Variants in GULP1 observed in about 807,000 individuals in gnomAD.
The protein encoded by GULP1 is GULP PTB domain containing engulfment adaptor 1.
GULP1 carries 19 observed loss-of-function variants against 40.9 expected under a neutral mutation model. The ratio of observed to expected loss-of-function variants is 0.46; its 90% CI spans 0.32 to 0.68. GULP1 has a LOEUF of 0.68. Among genes scored for constraint, GULP1 ranks in the 30% least tolerant of loss-of-function variants. The pLI is 0.03. For missense variants in GULP1, 312 were observed against 362.2 expected (o/e 0.86, Z 1.12); for synonymous variants, 119 against 117.6 (o/e 1.01, Z -0.08).
At chr2:188,580,185 G>A (rs1022925301) in intron 9 of GULP1, among the ~76,000 whole-genome samples, 6 of 152,204 alleles carry the variant, frequency 3.9e-5, no homozygotes, top group African/African-American at 1.4e-4. Context: ...TTTACAGTAA[G>A]TTATATCGAA....
At chr2:188,351,137 G>A (rs1181329312) in intron 1 of GULP1, among the ~76,000 whole-genome samples, 1 of 152,036 alleles carries the variant, frequency 6.6e-6, no homozygotes, top group African/African-American at 2.4e-5. Context: ...TCAGAGGATG[G>A]AATATAGTTT....
chr2:188,375,038 TA>T (rs759006253), intron 1 of GULP1, among the ~76,000 whole-genome samples: 9 of 152,208 alleles, frequency 5.9e-5, no homozygotes, highest in Non-Finnish European at 1.2e-4. Context: ...CCTTCAGGCA[TA>T]ACCAATCATC....
chr2:188,565,424 A>G (rs975937985), intron 7 of GULP1, among the ~76,000 whole-genome samples: 8 of 152,108 alleles, frequency 5.3e-5, no homozygotes, highest in Admixed American at 2.6e-4. Context: ...AAAAGAGGCA[A>G]TGAACACACG....
intron 2 of GULP1, among the ~76,000 whole-genome samples, chr2:188,436,720 A>G (rs545808616): frequency 6.6e-6 from 1 of 152,124 alleles, no homozygotes; most frequent in Non-Finnish European, 1.5e-5. Flanking sequence ...GGTAGTTTAT[A>G]CATATAGTTT....
rs143831338 is a variant in GULP1 at position 188,570,106 on chromosome 2, G to C, written c.595G>C (p.Val199Leu). Residue 199 changes from valine to leucine, a missense_variant, in exon 9 of 12, where the codon GTA (valine) becomes CTA (leucine). Physicochemically the swap from Val to Leu is conservative, Grantham distance 32. Transcript: ENST00000409830. ...DLENQLRITQ[V>L]SAPPAGSMTP... ...GGAAAACCAACTGAGAATAACTCAA[G>C]TATCAGCACCTCCAGTGAGTATATT... 3.0e-4 allele frequency: 427 copies of C among 1,405,390 alleles called. No individual in the cohort carries two copies. Among genetic ancestry groups the C allele is most frequent in the Non-Finnish European group, 1.2e-4 (116 of 1,006,552 alleles). The allele number at this position is 1,405,390 out of a possible 1,614,324, so 87.1% of individuals were successfully genotyped here. A position where few individuals can be genotyped will look rare whatever the true frequency, so the allele number is the denominator to read the frequency against.
intron 2 of GULP1, among the ~76,000 whole-genome samples, chr2:188,388,359 T>C (rs2050060164): frequency 9.4e-6 from 1 of 106,536 alleles, no homozygotes; most frequent in Admixed American, 1.2e-4. Flanking sequence ...TGAGAGCCCA[T>C]CTCTACCAAA....
chr2:188,359,482 C>T lies in GULP1; in HGVS notation c.-171-24281C>T, dbSNP rs2045805672. Among the ~76,000 whole-genome samples the T allele has an allele frequency of 2.0e-5, 3 of 152,116 alleles. No homozygotes were observed. In the South Asian group the frequency reaches 6.2e-4, roughly 31 times the overall value. ...AGCCAAACTTTTGGAAAGCTTTTCT[C>T]TGCTAGCATGGTATTGAATGTATTT... is the stretch of plus-strand genomic sequence containing the variant. On this transcript the variant is annotated intron_variant, in intron 1 of 11. Coordinates refer to ENST00000409830, the MANE Select transcript of GULP1 (RefSeq NM_016315.4).
intron 1 of GULP1, among the ~76,000 whole-genome samples, chr2:188,313,705 A>G (rs2038584439): frequency 6.6e-6 from 1 of 152,194 alleles, no homozygotes; most frequent in Non-Finnish European, 1.5e-5. Flanking sequence ...TACTTTGGGC[A>G]GTATGGCCAT....
intron 1 of GULP1, among the ~76,000 whole-genome samples, chr2:188,360,947 T>C (rs895237729): frequency 1.3e-5 from 2 of 152,130 alleles, no homozygotes; most frequent in African/African-American, 4.8e-5. Context: ...TCATGAAATA[T>C]AGTTTCTCTT....
intron 1 of GULP1, among the ~76,000 whole-genome samples, chr2:188,363,263 A>G (rs942108373): frequency 6.6e-6 from 1 of 152,034 alleles, no homozygotes; most frequent in Non-Finnish European, 1.5e-5. Flanking sequence ...CTCTGTGTGT[A>G]ATGTTTTTAG....
chr2:188,308,633 A>G (rs1181445294), intron 1 of GULP1, among the ~76,000 whole-genome samples: 1 of 152,198 alleles, frequency 6.6e-6, no homozygotes, highest in African/African-American at 2.4e-5. Flanking sequence ...AAGATGTTAT[A>G]GAATGCCAAG....
At chr2:188,446,591 A>T (rs2152895671) in intron 2 of GULP1, among the ~76,000 whole-genome samples, 1 of 152,266 alleles carries the variant, frequency 6.6e-6, no homozygotes, top group Middle Eastern at 3.4e-3. Flanking sequence ...GATTTAGGTT[A>T]CTGGATTATC....
At chr2:188,434,353 C>G (rs1437903190) in intron 2 of GULP1, among the ~76,000 whole-genome samples, 1 of 150,778 alleles carries the variant, frequency 6.6e-6, no homozygotes, top group Non-Finnish European at 1.5e-5. Flanking sequence ...TAAAATTTTG[C>G]TAGAATTTGA....
At chr2:188,545,292 GA>G (rs1022143181) in intron 7 of GULP1, among the ~76,000 whole-genome samples, 15 of 145,074 alleles carry the variant, frequency 1.0e-4, no homozygotes, top group East Asian at 7.9e-4. Context: ...TATAAGGAAG[GA>G]AAAAAAAAAC....
At chr2:188,297,963 T>G (rs1238714239) in intron 1 of GULP1, among the ~76,000 whole-genome samples, 1 of 152,172 alleles carries the variant, frequency 6.6e-6, no homozygotes, top group Admixed American at 6.5e-5. Context: ...TACCATGTTT[T>G]AAGTAAAATT....
chr2:188,404,890 C>T (rs1432828168), intron 2 of GULP1, among the ~76,000 whole-genome samples: 3 of 152,114 alleles, frequency 2.0e-5, no homozygotes, highest in African/African-American at 7.2e-5. Context: ...CAGATCAGCA[C>T]CCTTGACCTC....
chr2:188,367,829 G>C (rs2047004940), intron 1 of GULP1, among the ~76,000 whole-genome samples: 1 of 152,064 alleles, frequency 6.6e-6, no homozygotes, highest in Admixed American at 6.6e-5. Flanking sequence ...CATTAAATGA[G>C]GAATAAAAAA....
At chr2:188,331,751 G>T (rs888315941) in intron 1 of GULP1, among the ~76,000 whole-genome samples, 1 of 152,020 alleles carries the variant, frequency 6.6e-6, no homozygotes, top group Non-Finnish European at 1.5e-5. Context: ...GATTATTTCT[G>T]ATTGTTGGGA....
intron 1 of GULP1, among the ~76,000 whole-genome samples, chr2:188,311,546 C>T (rs903869370): frequency 6.6e-6 from 1 of 151,930 alleles, no homozygotes; most frequent in Admixed American, 6.6e-5. Context: ...CTGATTCTGA[C>T]ACCATTTTGA....
Sources: gnomAD v4.1 joint callset for allele counts (sites outside exome capture counted in the v4.1 genomes callset) on GRCh38, gnomAD v4.1.1 for gene constraint, MANE v1.5 for transcripts, NCBI Gene and HGNC (gene_info 2026-07-23, HGNC 2026-07-21) for gene names.